LOXL2: variants seen among roughly 807,000 people sequenced by gnomAD.
LOXL2 encodes the protein lysyl oxidase like 2.
LOXL2 carries 70 observed loss-of-function variants against 93.0 expected under a neutral mutation model. The observed-to-expected ratio is 0.75, with a 90% confidence interval of 0.62 to 0.92. LOXL2 has a LOEUF of 0.92. Among genes scored for constraint, LOXL2 ranks in the 40% least tolerant of loss-of-function variants. LOXL2 has a pLI of 0.00. For synonymous variants in LOXL2, 438 were observed against 413.2 expected (o/e 1.06, Z -0.73); for missense variants, 973 against 1,054.9 (o/e 0.92, Z 1.08).
chr8:23,395,317 C>CAAAAAAA (rs111889384), intron 1 of LOXL2, among the ~76,000 whole-genome samples: 1 of 82,056 alleles, frequency 1.2e-5, no homozygotes, highest in African/African-American at 4.4e-5. Flanking sequence ...AAAGCCAGAC[C>CAAAAAAA]AAAAAAAAAA....
intron 3 of LOXL2, among the ~76,000 whole-genome samples, chr8:23,353,705 G>A (rs1356041818): frequency 1.3e-5 from 2 of 152,228 alleles, no homozygotes; most frequent in Non-Finnish European, 1.5e-5. Flanking sequence ...GCAGCACTTC[G>A]AAGTCTGCAA....
At chr8:23,376,625 T>A (rs1301016695) in intron 1 of LOXL2, among the ~76,000 whole-genome samples, 1 of 152,210 alleles carries the variant, frequency 6.6e-6, no homozygotes, top group Non-Finnish European at 1.5e-5. Context: ...GAGCCTGTTA[T>A]TGGTCTATTC....
chr8:23,320,271 G>C (rs1238090270), intron 7 of LOXL2, among the ~76,000 whole-genome samples: 1 of 152,194 alleles, frequency 6.6e-6, no homozygotes, highest in African/African-American at 2.4e-5. Context: ...AGCTGGGGAG[G>C]CCCTGTGACT....
intron 8 of LOXL2, among the ~76,000 whole-genome samples, chr8:23,319,028 G>A (rs1274419169): frequency 6.6e-6 from 1 of 152,244 alleles, no homozygotes; most frequent in Admixed American, 6.5e-5. Flanking sequence ...GACCACTGGG[G>A]AAGGAGAGCT....
At chr8:23,393,858 T>G (rs887819070) in intron 1 of LOXL2, among the ~76,000 whole-genome samples, 5 of 152,216 alleles carry the variant, frequency 3.3e-5, no homozygotes, top group African/African-American at 1.2e-4. Flanking sequence ...TGTCTGTTTC[T>G]CTTTTAAGCT....
At chr8:23,342,971 G>A (rs375781934) in intron 3 of LOXL2, among the ~76,000 whole-genome samples, 3 of 151,968 alleles carry the variant, frequency 2.0e-5, no homozygotes, top group Non-Finnish European at 2.9e-5. Context: ...AGCTGGTTTC[G>A]AACTCCTGGC....
intron 1 of LOXL2, among the ~76,000 whole-genome samples, chr8:23,376,560 G>C (rs1422970696): frequency 2.6e-5 from 4 of 152,230 alleles, no homozygotes; most frequent in East Asian, 1.9e-4. Flanking sequence ...CTGCGAATCT[G>C]TCTGGTCCTG....
At position 23,341,156 on chromosome 8, in the gene LOXL2, T is replaced by C. The variant is rs762703591; in HGVS notation, c.579A>G (p.Ser193=). The change falls in exon 4 of 14, where the codon TCA becomes TCG. Residue 193 remains serine (S), a synonymous_variant. Coordinates refer to ENST00000389131, the MANE Select transcript of LOXL2 (RefSeq NM_002318.3). ...TCACTGGGGTGCGCTTGCGGTAGGT[T>C]GAGAGGATGGCTCGAATCCGAATGT... The part of the protein sequence containing the change: ...VEDIRIRAIL[S]TYRKRTPVME... The C allele has an allele frequency of 6.2e-7, 1 of 1,613,698 alleles. No individual in the cohort carries two copies. The highest frequency in any genetic ancestry group is 1.7e-5 in the Admixed American group (1 of 60,010).
At chr8:23,363,037 G>A (rs1448571461) in intron 2 of LOXL2, 2 of 152,124 alleles carry the variant, frequency 1.3e-5, no homozygotes, top group African/African-American at 4.8e-5. Flanking sequence ...AAATAATGAT[G>A]CTGAGCAAAC....
At chr8:23,315,483 G>A (rs976450048) in intron 9 of LOXL2, among the ~76,000 whole-genome samples, 3 of 152,174 alleles carry the variant, frequency 2.0e-5, no homozygotes, top group East Asian at 3.9e-4. Context: ...CTGAGAAATC[G>A]CCCCATGAAA....
rs1231836339 is a variant in LOXL2, at chr8:23,328,560, G to A, written c.972C>T (p.Pro324=). ...AGGCACCGCCTCTCAGTCGCACCAG[G>A]GGTTGCTGAAGAGACACACGGTCCT... is the stretch of plus-strand genomic sequence containing the variant. ...RFRKAYKPEQ[P]LVRLRGGAYI... The change falls in exon 6 of 14, where the codon CCC becomes CCT. Residue 324 remains proline (P), a synonymous_variant. Transcript: ENST00000389131. The A allele has an allele frequency of 6.2e-7, 1 of 1,613,692 alleles. No homozygotes were observed. Among genetic ancestry groups the A allele is most frequent in the African/African-American group, 1.3e-5 (1 of 74,896 alleles).
chr8:23,311,727 T>C (rs995142132), intron 9 of LOXL2, among the ~76,000 whole-genome samples: 6 of 152,194 alleles, frequency 3.9e-5, no homozygotes, highest in African/African-American at 1.4e-4. Context: ...TGCTAGGTTC[T>C]CTGGACAGAG....
chr8:23,320,107 C>T (rs548731670), intron 7 of LOXL2, 55 bp from the exon 8 acceptor site: 7 of 1,564,674 alleles, frequency 4.5e-6, no homozygotes, highest in East Asian at 2.2e-5. Context: ...AGCTTCCCCC[C>T]TACGCTGCCA....
intron 1 of LOXL2, among the ~76,000 whole-genome samples, chr8:23,377,146 T>G (rs1346716587): frequency 2.0e-5 from 3 of 152,214 alleles, no homozygotes; most frequent in Non-Finnish European, 2.9e-5. Flanking sequence ...TGTGTCTTTG[T>G]TCTCATTGGT....
At chr8:23,346,729 A>G (rs1013661705) in intron 3 of LOXL2, among the ~76,000 whole-genome samples, 6 of 152,212 alleles carry the variant, frequency 3.9e-5, no homozygotes, top group African/African-American at 1.4e-4. Flanking sequence ...CAGTCGCTCT[A>G]AACTCTCAGC....
At chr8:23,400,371 A>C (rs923246723) in intron 1 of LOXL2, among the ~76,000 whole-genome samples, 1 of 152,196 alleles carries the variant, frequency 6.6e-6, no homozygotes, top group African/African-American at 2.4e-5. Flanking sequence ...GCAAGAGAGC[A>C]TGTACAGGGG....
chr8:23,346,083 T>TTA (rs1803967502), intron 3 of LOXL2, among the ~76,000 whole-genome samples: 1 of 73,984 alleles, frequency 1.4e-5, no homozygotes, highest in African/African-American at 5.9e-5. Flanking sequence ...TAAAATAAAA[T>TTA]AATAAAATAA....
At chr8:23,374,892 G>C (rs1292548955) in intron 1 of LOXL2, among the ~76,000 whole-genome samples, 2 of 152,122 alleles carry the variant, frequency 1.3e-5, no homozygotes, top group South Asian at 2.1e-4. Context: ...CCATTTTGTA[G>C]GTTGCCTGTT....
At chr8:23,323,641 C>G (rs748775145) in intron 6 of LOXL2, among the ~76,000 whole-genome samples, 5 of 149,356 alleles carry the variant, frequency 3.3e-5, no homozygotes, top group Non-Finnish European at 7.4e-5. Flanking sequence ...TTAGCTCTAC[C>G]TTCCTCATTT....
Sources: gnomAD v4.1 joint callset for allele counts (sites outside exome capture counted in the v4.1 genomes callset) on GRCh38, gnomAD v4.1.1 for gene constraint, MANE v1.5 for transcripts, NCBI Gene and HGNC (gene_info 2026-07-23, HGNC 2026-07-21) for gene names.